The following KIF26B variants were observed in gnomAD, a reference collection of about 807,000 sequenced individuals.
The protein encoded by KIF26B is kinesin family member 26B, also known as kinesin-like protein KIF26B.
Under a neutral mutation model 151.2 loss-of-function variants are expected in KIF26B, and 63 were observed. The ratio of observed to expected loss-of-function variants is 0.42; its 90% CI spans 0.34 to 0.51. The LOEUF (loss-of-function observed/expected upper bound fraction) is 0.51, where lower values mean the gene tolerates loss of function less well. Among genes scored for constraint, KIF26B ranks in the 20% least tolerant of loss-of-function variants. The pLI is 0.07. For missense variants in KIF26B, 2,813 were observed against 2,913.6 expected, an observed-to-expected ratio of 0.97 and a Z score of 0.79; for synonymous variants, 1,357 against 1,262.1, an observed-to-expected ratio of 1.08 and a Z score of -1.59.
intron 4 of KIF26B, among the ~76,000 whole-genome samples, chr1:245,457,728 A>G (rs1659566729): frequency 6.6e-6 from 1 of 152,208 alleles, no homozygotes; most frequent in South Asian, 2.1e-4. Flanking sequence ...TTTCTCATTC[A>G]ATATTATATA....
At chr1:245,316,357 C>G (rs950945464) in intron 2 of KIF26B, among the ~76,000 whole-genome samples, 1 of 152,040 alleles carries the variant, frequency 6.6e-6, no homozygotes, top group Non-Finnish European at 1.5e-5. Context: ...CTCCTGACCC[C>G]AGGTGATCCG....
intron 2 of KIF26B, among the ~76,000 whole-genome samples, chr1:245,334,504 T>C (rs1208969558): frequency 6.6e-6 from 1 of 152,112 alleles, no homozygotes; most frequent in African/African-American, 2.4e-5. Context: ...TCATAAAACA[T>C]GTAGGTGAGA....
At chr1:245,300,499 A>G (rs1449037587) in intron 2 of KIF26B, among the ~76,000 whole-genome samples, 1 of 151,674 alleles carries the variant, frequency 6.6e-6, no homozygotes, top group Non-Finnish European at 1.5e-5. Flanking sequence ...CCCTTCATTG[A>G]TAGAGGCACA....
At chr1:245,248,063 G>A (rs889525016) in intron 2 of KIF26B, among the ~76,000 whole-genome samples, 2 of 152,030 alleles carry the variant, frequency 1.3e-5, no homozygotes, top group Non-Finnish European at 2.9e-5. Context: ...CATCCAAATG[G>A]CTTCATTATG....
Position 245,687,653 on chromosome 1 carries a change from G to A in KIF26B, c.4670G>A (p.Cys1557Tyr). Residue 1557 changes from cysteine to tyrosine, a missense_variant, in exon 12 of 15, where the codon TGC becomes TAC. By Grantham distance (194) the Cys-to-Tyr change is radical. Around this residue, in one of 3 missense-constraint regions of KIF26B, gnomAD observed 2,060 missense variants for 2,088.6 expected, o/e 0.99. Coordinates refer to ENST00000407071, the MANE Select transcript of KIF26B (RefSeq NM_018012.4). This position sits in a 1 kb window ranked among gnomAD's most constrained non-coding sequence, Gnocchi z 4.9. ...GAGCCGGACAGCCTCTCCTATTACT[G>A]CGCTGCTGAGACCAACGGGGTGGGT... ...QEEPDSLSYYCAAETNGVGAA... is the reference protein window; with the variant it reads ...QEEPDSLSYYYAAETNGVGAA... 3 of 1,573,366 alleles carry A rather than the reference G, an allele frequency of 1.9e-6. No individual in the cohort carries two copies. Among genetic ancestry groups the A allele is most frequent in the South Asian group, 2.3e-5 (2 of 85,338 alleles).
chr1:245,602,038 T>G lies in KIF26B; in HGVS notation c.1351-539T>G, dbSNP rs556774699. Among the ~76,000 whole-genome samples, 1 of 152,336 alleles carries G rather than the reference T, an allele frequency of 6.6e-6. No homozygotes were observed. The highest frequency in any genetic ancestry group is 1.5e-5 in the Non-Finnish European group (1 of 68,026). On this transcript the variant is annotated intron_variant, in intron 5 of 14. Coordinates refer to ENST00000407071, the MANE Select transcript of KIF26B (RefSeq NM_018012.4). This position sits in a 1 kb window ranked among gnomAD's most constrained non-coding sequence, Gnocchi z 4.5. The stretch of plus-strand genomic sequence containing the variant: ...ACGTCGCAGACCAGTCTTTTATCAC[T>G]GTTGCCCCTTGGAACACATTTCGAA...
intron 4 of KIF26B, among the ~76,000 whole-genome samples, chr1:245,438,856 A>C (rs1452413490): frequency 1.3e-5 from 2 of 152,186 alleles, no homozygotes; most frequent in African/African-American, 4.8e-5. Context: ...AGAAACTAAT[A>C]GAGTGACAGG....
chr1:245,418,349 A>G (rs377478073), intron 3 of KIF26B, among the ~76,000 whole-genome samples: 30 of 152,390 alleles, frequency 2.0e-4, no homozygotes, highest in East Asian at 1.3e-3. Context: ...ATGAATGAGA[A>G]TAAGAAAGTG....
chr1:245,582,340 A>G (rs545792262), intron 5 of KIF26B, among the ~76,000 whole-genome samples: 2 of 152,344 alleles, frequency 1.3e-5, no homozygotes, highest in East Asian at 3.9e-4. Flanking sequence ...TCAAGTCAAT[A>G]ACTTATAATT....
intron 2 of KIF26B, among the ~76,000 whole-genome samples, chr1:245,362,915 A>G (rs1184483637): frequency 6.6e-6 from 1 of 152,216 alleles, no homozygotes; most frequent in Non-Finnish European, 1.5e-5. Flanking sequence ...CCAAGTGCCA[A>G]TAAAAATTGG....
chr1:245,539,569 T>C (rs764205585), intron 4 of KIF26B, among the ~76,000 whole-genome samples: 20 of 152,208 alleles, frequency 1.3e-4, no homozygotes, highest in Non-Finnish European at 2.8e-4. Context: ...GAAATGAGTA[T>C]ATTAGAGTCT....
chr1:245,206,910 C>T (rs1393076339), intron 2 of KIF26B: 4 of 152,154 alleles, frequency 2.6e-5, no homozygotes, highest in Non-Finnish European at 5.9e-5. Flanking sequence ...GTGGAAAATA[C>T]AGAAAGATTC....
intron 4 of KIF26B, among the ~76,000 whole-genome samples, chr1:245,539,692 AC>A (rs1661561726): frequency 6.6e-6 from 1 of 152,068 alleles, no homozygotes; most frequent in African/African-American, 2.4e-5. Context: ...TCACTCTGTC[AC>A]CCAGCCTGGA....
intron 4 of KIF26B, among the ~76,000 whole-genome samples, chr1:245,490,892 G>A (rs181186126): frequency 5.3e-5 from 8 of 152,272 alleles, no homozygotes; most frequent in East Asian, 1.9e-4. Flanking sequence ...TGTGATTTCC[G>A]TGTTTGTGAA....
intron 4 of KIF26B, among the ~76,000 whole-genome samples, chr1:245,501,586 T>C (rs1459625684): frequency 6.6e-6 from 1 of 152,202 alleles, no homozygotes; most frequent in Non-Finnish European, 1.5e-5. Flanking sequence ...AGAGGTATCA[T>C]AGAGATTAGT....
chr1:245,182,902 C>T (rs1484097013), intron 2 of KIF26B, among the ~76,000 whole-genome samples: 1 of 152,198 alleles, frequency 6.6e-6, no homozygotes, highest in Non-Finnish European at 1.5e-5. Context: ...TCCCAAAGTA[C>T]TGGGATTATA....
At chr1:245,179,130 A>G (rs1668861458) in intron 2 of KIF26B, among the ~76,000 whole-genome samples, 1 of 152,238 alleles carries the variant, frequency 6.6e-6, no homozygotes, top group Admixed American at 6.5e-5. Flanking sequence ...GAAAGCAGCA[A>G]ATAGTTCTCT....
intron 2 of KIF26B, among the ~76,000 whole-genome samples, chr1:245,253,658 T>C (rs901319452): frequency 6.6e-6 from 1 of 152,004 alleles, no homozygotes; most frequent in Non-Finnish European, 1.5e-5. Context: ...ACATGGGGAT[T>C]ATTCATGTGT....
At chr1:245,347,961 G>A (rs1207273679) in intron 2 of KIF26B, among the ~76,000 whole-genome samples, 2 of 152,220 alleles carry the variant, frequency 1.3e-5, no homozygotes, top group Non-Finnish European at 2.9e-5. Context: ...TGTTATGGGT[G>A]AGGAAACTGA....
Sources: gnomAD v4.1 joint callset for allele counts (sites outside exome capture counted in the v4.1 genomes callset) on GRCh38, gnomAD v4.1.1 for gene constraint, gnomAD v4.1.1 regional missense constraint, Gnocchi (gnomAD v3.1) non-coding constraint, MANE v1.5 for transcripts, NCBI Gene and HGNC (gene_info 2026-07-23, HGNC 2026-07-21) for gene names.